Variants in ZCCHC8 observed in about 807,000 individuals in gnomAD.
ZCCHC8 encodes zinc finger CCHC-type containing 8.
A neutral mutation model predicts 70.6 loss-of-function variants in ZCCHC8; 27 were observed. The observed-to-expected ratio is 0.38, with a 90% CI of 0.28 to 0.53. The LOEUF is 0.53. Ranked by LOEUF, ZCCHC8 falls within the 20% of genes least tolerant of loss-of-function variation. The probability of loss-of-function intolerance (pLI) is 0.81; values close to 1 mark genes in which losing one functional copy is unlikely to be tolerated. For missense variants in ZCCHC8, 737 were observed against 876.9 expected (o/e 0.84, Z 2.01); for synonymous variants, 293 against 317.4 (o/e 0.92, Z 0.82).
chr12:122,480,439 T>G (rs1378107451), intron 10 of ZCCHC8, 128 bp from the exon 11 acceptor site: 1 of 800,320 alleles, frequency 1.2e-6, no homozygotes, highest in Admixed American at 3.8e-5. Flanking sequence ...GCTTTCAATT[T>G]TCATTATAAT....
At chr12:122,488,441 G>T (rs1387703499) in intron 5 of ZCCHC8, among the ~76,000 whole-genome samples, 5 of 151,956 alleles carry the variant, frequency 3.3e-5, no homozygotes, top group African/African-American at 9.7e-5. Flanking sequence ...TGGCCTCCCA[G>T]AACACTGGGG....
rs1957336418 is a variant in ZCCHC8, at chr12:122,472,539, C to G, written c.*958G>C. ...TACTTTTAAACTTAAAAGTTATATG[C>G]ACCGGCCAGGTGAGGTGGCTTACGC... On this transcript the variant is annotated 3_prime_UTR_variant, in exon 14 of 14. Transcript: ENST00000633063. 6.6e-6 allele frequency: 1 copy of G among 152,194 alleles called. No individual in the cohort carries two copies. Among genetic ancestry groups the G allele is most frequent in the Admixed American group, 6.5e-5 (1 of 15,276 alleles). 9.4% of individuals were successfully genotyped at this position (152,194 alleles called of 1,614,324 possible).
chr12:122,483,135 A>T lies in ZCCHC8; in HGVS notation c.671+144T>A. On this transcript the variant is annotated intron_variant, in intron 7 of 13. Transcript: ENST00000633063. The surrounding 1 kb of genome is among the most constrained non-coding windows in gnomAD (Gnocchi z 4.4). ...GATGATTCATTTAAACATTTAACAT[A>T]TATGTATGGATTAAAATTCTAGCTC... 1 of 739,678 alleles carries T rather than the reference A, an allele frequency of 1.4e-6. No homozygotes were observed. Among genetic ancestry groups the T allele is most frequent in the Non-Finnish European group, 2.2e-6 (1 of 454,564 alleles). The allele number at this position is 739,678 out of a possible 1,614,324, so 45.8% of individuals were successfully genotyped here.
chr12:122,474,287 A>C lies in ZCCHC8; in HGVS notation c.1346-12T>G. On this transcript the variant is annotated splice_polypyrimidine_tract_variant and intron_variant, in intron 13 of 13. Transcript: ENST00000633063. ...TGGTACCTCCATATCTGAAGTAAGAAAGTTAAGAGATACTTTAGAACTTAT... is the reference window on the plus strand; with the variant it reads ...TGGTACCTCCATATCTGAAGTAAGACAGTTAAGAGATACTTTAGAACTTAT... The C allele has an allele frequency of 7.3e-7, 1 of 1,378,956 alleles. No individual in the cohort carries two copies. Among genetic ancestry groups the C allele is most frequent in the Non-Finnish European group, 9.4e-7 (1 of 1,060,008 alleles). The allele number at this position is 1,378,956 out of a possible 1,614,324, so 85.4% of individuals were successfully genotyped here. A position where few individuals can be genotyped will look rare whatever the true frequency, so the allele number is the denominator to read the frequency against.
rs754895878 is a variant in ZCCHC8 at position 122,498,820 on chromosome 12, C to T, written c.242+7G>A. 25 of 1,612,836 alleles carry T rather than the reference C, an allele frequency of 1.6e-5. No individual in the cohort carries two copies. The highest frequency in any genetic ancestry group is 2.1e-5 in the Non-Finnish European group (25 of 1,179,302). ...ACAACTATGGAGTAATTTCAAAAAT[C>T]TCATACCTCGGTCGAGTCAGAATGT... On this transcript the variant is annotated splice_region_variant and intron_variant, in intron 2 of 13. Transcript: ENST00000633063.
chr12:122,489,318 G>A lies in ZCCHC8; in HGVS notation c.501+68C>T, dbSNP rs1476163727. 1.2e-5 allele frequency: 18 copies of A among 1,442,308 alleles called. No individual in the cohort carries two copies. In the South Asian group the frequency reaches 1.6e-4, roughly 13 times the overall value. 89.3% of individuals were successfully genotyped at this position (1,442,308 alleles called of 1,614,324 possible). A position where few individuals can be genotyped will look rare whatever the true frequency, so the allele number is the denominator to read the frequency against. ...GACTATACTACTTTATCTTTTAAAC[G>A]CCACCCAGTTGACATAGGATAGGAA... On this transcript the variant is annotated intron_variant, in intron 5 of 13. Coordinates refer to ENST00000633063, the MANE Select transcript of ZCCHC8 (RefSeq NM_017612.5).
rs1957319840 is a variant in ZCCHC8 at position 122,471,622 on chromosome 12, T to C, written c.*1875A>G. 6.6e-6 allele frequency: 1 copy of C among 152,238 alleles called. No individual in the cohort carries two copies. Among genetic ancestry groups the C allele is most frequent in the African/African-American group, 2.4e-5 (1 of 41,464 alleles). The allele number at this position is 152,238 out of a possible 1,614,324, so 9.4% of individuals were successfully genotyped here. Reference sequence around the variant, plus strand: ...AACAACTGTAAAGGATTGCTTTTATTTTGAACTTAAGCTGAGGAAAAGAAG... The same window carrying C: ...AACAACTGTAAAGGATTGCTTTTATCTTGAACTTAAGCTGAGGAAAAGAAG... On this transcript the variant is annotated 3_prime_UTR_variant, in exon 14 of 14. Transcript: ENST00000633063.
intron 13 of ZCCHC8, among the ~76,000 whole-genome samples, chr12:122,474,632 G>A (rs915611147): frequency 2.0e-5 from 3 of 152,134 alleles, no homozygotes; most frequent in African/African-American, 7.2e-5. Flanking sequence ...AATGCAGTAG[G>A]AAATTTGACT....
Position 122,473,889 on chromosome 12 carries a change from G to A in ZCCHC8, c.1732C>T (p.Leu578=), listed in dbSNP as rs1957363058. 1 of 1,613,762 alleles carries A rather than the reference G, an allele frequency of 6.2e-7. No individual in the cohort carries two copies. Among genetic ancestry groups the A allele is most frequent in the Non-Finnish European group, 8.5e-7 (1 of 1,179,894 alleles). Residue 578 remains leucine, a synonymous_variant, in exon 14 of 14, where the codon CTG becomes TTG. Transcript: ENST00000633063. The part of the protein sequence containing the change: ...PEGKTSEKQT[L]DEPEVPEIFT... ...ATCTCTGGTACCTCAGGCTCATCCA[G>A]CGTCTGCTTTTCAGATGTTTTTCCC...
At chr12:122,485,202 C>T (rs1957609197) in intron 5 of ZCCHC8, among the ~76,000 whole-genome samples, 1 of 152,004 alleles carries the variant, frequency 6.6e-6, no homozygotes, top group Non-Finnish European at 1.5e-5. Context: ...TCCGGTTGAA[C>T]CTCCTGGGTT....
Position 122,483,560 on chromosome 12 carries a change from C to A in ZCCHC8, c.505G>T (p.Val169Leu), listed in dbSNP as rs758101860. ...TTAGTAAAATACAGGACACTTCCTA[C>A]AACCTGCAGAAAACAAGTCAAAAAA... ...IKNNKEAFSV[V>L]GSVLYFTNFC... The change falls in exon 6 of 14, where the codon GTA becomes TTA. Residue 169 changes from valine to leucine, a missense_variant. Physicochemically the swap from Val to Leu is conservative, Grantham distance 32. Coordinates refer to ENST00000633063, the MANE Select transcript of ZCCHC8 (RefSeq NM_017612.5). This position sits in a 1 kb window ranked among gnomAD's most constrained non-coding sequence, Gnocchi z 4.4. The A allele has an allele frequency of 6.4e-7, 1 of 1,572,986 alleles. No individual in the cohort carries two copies. Among genetic ancestry groups the A allele is most frequent in the East Asian group, 2.3e-5 (1 of 43,534 alleles).
rs1214472875 is a variant in ZCCHC8, at chr12:122,490,449, A to C, written c.423+13T>G. 1 of 1,599,486 alleles carries C rather than the reference A, an allele frequency of 6.3e-7. No homozygotes were observed. The highest frequency in any genetic ancestry group is 8.6e-7 in the Non-Finnish European group (1 of 1,168,404). On this transcript the variant is annotated intron_variant, in intron 4 of 13. Transcript: ENST00000633063. The stretch of plus-strand genomic sequence containing the variant: ...TAACTTACTAATCTTAAAGTCTCTT[A>C]AATTTGAAATACCTGGGGCAAAAGA...
Position 122,480,209 on chromosome 12 carries a change from G to T in ZCCHC8, c.1121C>A (p.Thr374Asn). ...ACTTACGTCTGGAATTCCTCTGGGA[G>T]TAGATATATTAAAACCAGGATAGTT... The part of the protein sequence containing the change: ...LVNYPGFNIS[T>N]PRGIPDEWRI... Residue 374 changes from threonine to asparagine, a missense_variant, in exon 11 of 14, where the codon ACT becomes AAT. Transcript: ENST00000633063. 6.3e-7 allele frequency: 1 copy of T among 1,588,344 alleles called. No homozygotes were observed. Among genetic ancestry groups the T allele is most frequent in the Non-Finnish European group, 8.6e-7 (1 of 1,162,260 alleles).
At chr12:122,474,720 G>A (rs548066300) in intron 13 of ZCCHC8, among the ~76,000 whole-genome samples, 152 of 150,216 alleles carry the variant, frequency 1.0e-3, no homozygotes, top group African/African-American at 3.5e-3. Context: ...TACACCTTGG[G>A]TTATTTCCTA....
intron 7 of ZCCHC8, 149 bp from the exon 8 acceptor site, chr12:122,482,844 T>C: frequency 1.6e-6 from 1 of 635,326 alleles, no homozygotes; most frequent in Non-Finnish European, 2.7e-6. Context: ...AAGTACACTT[T>C]AATCTCCTTT....
intron 2 of ZCCHC8, among the ~76,000 whole-genome samples, chr12:122,494,721 G>A (rs1366613652): frequency 6.6e-6 from 1 of 152,276 alleles, no homozygotes; most frequent in South Asian, 2.1e-4. Context: ...CAGGCGTGGC[G>A]GCACGCGCCT....
intron 3 of ZCCHC8, among the ~76,000 whole-genome samples, chr12:122,491,544 A>T (rs1957743541): frequency 6.7e-6 from 1 of 150,300 alleles, no homozygotes; most frequent in Admixed American, 6.6e-5. Context: ...AAAAAAAAAA[A>T]AAAGCCAGGT....
At chr12:122,499,011 C>T in intron 1 of ZCCHC8, 142 bp from the exon 2 acceptor site, 1 of 790,176 alleles carries the variant, frequency 1.3e-6, no homozygotes, top group Non-Finnish European at 2.1e-6. Context: ...ACTTATTGAG[C>T]TTCTATTTTG....
chr12:122,490,396 G>A, intron 4 of ZCCHC8, 66 bp downstream of exon 4: 1 of 1,238,802 alleles, frequency 8.1e-7, no homozygotes, highest in Non-Finnish European at 1.2e-6. Context: ...GAGGATCCTT[G>A]TGGCCCAATA....
Sources: allele counts gnomAD v4.1 joint callset (sites outside exome capture counted in the v4.1 genomes callset), GRCh38; gene constraint gnomAD v4.1.1; non-coding constraint Gnocchi (gnomAD v3.1); transcripts MANE v1.5; gene names NCBI Gene and HGNC (gene_info 2026-07-23, HGNC 2026-07-21).